RASSF3: variants seen among roughly 807,000 people sequenced by gnomAD.
The protein encoded by RASSF3 is Ras association domain family member 3, also known as ras association domain-containing protein 3.
Under a neutral mutation model 19.9 loss-of-function variants are expected in RASSF3, and 19 were observed. The observed-to-expected ratio is 0.96, with a 90% CI of 0.67 to 1.40. RASSF3 has a LOEUF of 1.40. Among genes scored for constraint, RASSF3 ranks in the 40% most tolerant of loss-of-function variants. RASSF3 has a pLI of 0.00. For missense variants in RASSF3, 306 were observed against 289.8 expected, an observed-to-expected ratio of 1.06 and a Z score of -0.41; for synonymous variants, 110 against 104.2, an observed-to-expected ratio of 1.06 and a Z score of -0.34.
At chr12:64,552,005 C>T (rs1219693266) in intron 2 of RASSF3, among the ~76,000 whole-genome samples, 1 of 152,188 alleles carries the variant, frequency 6.6e-6, no homozygotes, top group Non-Finnish European at 1.5e-5. Context: ...TCAGAAAACC[C>T]CTGGGGTTTG....
chr12:64,683,434 G>A (rs888155991), intron 1 of RASSF3, among the ~76,000 whole-genome samples: 1 of 152,218 alleles, frequency 6.6e-6, no homozygotes, highest in Non-Finnish European at 1.5e-5. Flanking sequence ...ACAGTGAGAA[G>A]AGGATTTAAC....
At chr12:64,689,700 G>A (rs1450261016) in intron 3 of RASSF3, among the ~76,000 whole-genome samples, 1 of 151,906 alleles carries the variant, frequency 6.6e-6, no homozygotes, top group Non-Finnish European at 1.5e-5. Context: ...CACTGTATGT[G>A]TGTGTCTAGC....
intron 1 of RASSF3, among the ~76,000 whole-genome samples, chr12:64,668,165 A>C (rs1008835452): frequency 4.6e-5 from 7 of 152,230 alleles, no homozygotes; most frequent in African/African-American, 1.7e-4. Context: ...CTGTTGAATG[A>C]CCTGAACCAG....
rs573874900 is a variant in RASSF3 at position 64,655,287 on chromosome 12, A to C, written c.112-29500A>C. Among the ~76,000 whole-genome samples, 6 of 152,348 alleles carry C rather than the reference A, an allele frequency of 3.9e-5. No individual in the cohort carries two copies. The South Asian group carries it at 1.2e-3, about 32-fold the overall frequency. On this transcript the variant is annotated intron_variant, in intron 1 of 4. Transcript: ENST00000542104. ...GCTTCATTTAAGAGGATGCAACATC[A>C]GGATTTTCAAAAATACACATAACGA...
exon 1 of RASSF3, chr12:64,507,174 C>G (rs1015259203): frequency 1.5e-5 from 6 of 398,520 alleles, no homozygotes; most frequent in South Asian, 1.3e-4. Context: ...CTCTCTGTAG[C>G]GAGTCATTCT....
intron 2 of RASSF3, among the ~76,000 whole-genome samples, chr12:64,562,766 G>A (rs1403914044): frequency 6.6e-6 from 1 of 151,968 alleles, no homozygotes; most frequent in Non-Finnish European, 1.5e-5. Flanking sequence ...GACTACAGGT[G>A]TATGCCACCA....
chr12:64,580,932 G>C (rs143787014), intron 2 of RASSF3, among the ~76,000 whole-genome samples: 1 of 151,672 alleles, frequency 6.6e-6, no homozygotes, highest in Non-Finnish European at 1.5e-5. Context: ...ACAACCACAC[G>C]TACCAGGGGT....
At chr12:64,651,260 G>A (rs2136190831) in intron 1 of RASSF3, among the ~76,000 whole-genome samples, 1 of 152,282 alleles carries the variant, frequency 6.6e-6, no homozygotes, top group South Asian at 2.1e-4. Flanking sequence ...TAAGTCCCAA[G>A]ATATGTGGAG....
downstream of RASSF3, among the ~76,000 whole-genome samples, chr12:64,543,459 GCTCCCCA>G (rs1868986993): frequency 1.7e-4 from 1 of 5,894 alleles, no homozygotes; most frequent in Non-Finnish European, 4.1e-4. Context: ...CCCGCCCCCC[GCTCCCCA>G]CCCGCCTGCC....
At chr12:64,662,207 C>T (rs1872391789) in intron 1 of RASSF3, among the ~76,000 whole-genome samples, 1 of 149,964 alleles carries the variant, frequency 6.7e-6, no homozygotes, top group South Asian at 2.1e-4. Flanking sequence ...TTTCTTGAGT[C>T]TAGGAATTTG....
chr12:64,543,719 A>G (rs1180202476), downstream of RASSF3, among the ~76,000 whole-genome samples: 1 of 151,090 alleles, frequency 6.6e-6, no homozygotes, highest in Non-Finnish European at 1.5e-5. Context: ...TGGGCTCCTG[A>G]GTCTAGTGAG....
chr12:64,545,523 G>A (rs1206544068), downstream of RASSF3, among the ~76,000 whole-genome samples: 1 of 152,182 alleles, frequency 6.6e-6, no homozygotes, highest in Non-Finnish European at 1.5e-5. Context: ...GTCTTAGAGA[G>A]TGCCAGATTT....
chr12:64,584,326 C>A (rs1869755239), intron 2 of RASSF3, among the ~76,000 whole-genome samples: 1 of 152,044 alleles, frequency 6.6e-6, no homozygotes, highest in South Asian at 2.1e-4. Context: ...CTTTCTTTTG[C>A]CCAGAGGGGA....
intron 1 of RASSF3, among the ~76,000 whole-genome samples, chr12:64,515,277 G>A (rs899610914): frequency 3.3e-5 from 5 of 152,028 alleles, no homozygotes; most frequent in African/African-American, 4.8e-5. Flanking sequence ...GGCTGATCTC[G>A]AACTCCTGAC....
At chr12:64,652,097 G>A (rs1871976361) in intron 1 of RASSF3, among the ~76,000 whole-genome samples, 1 of 152,184 alleles carries the variant, frequency 6.6e-6, no homozygotes. Context: ...TGTTATAATA[G>A]ATTACCATAT....
rs769203128 is a variant in RASSF3 at position 64,694,856 on chromosome 12, A to G, written c.661A>G (p.Thr221Ala). 2 of 1,614,250 alleles carry G rather than the reference A, an allele frequency of 1.2e-6. No homozygotes were observed. The highest frequency in any genetic ancestry group is 1.7e-4 in the Middle Eastern group (1 of 6,060). Residue 221 changes from threonine to alanine, a missense_variant, in exon 5 of 5, where the codon ACA (threonine) becomes GCA (alanine). By Grantham distance (58) the Thr-to-Ala change is moderately conservative (BLOSUM62 0). Coordinates refer to ENST00000542104, the MANE Select transcript of RASSF3 (RefSeq NM_178169.4). ...EQLQNLKRRYTAYRQKLEEAL... is the reference protein window; with the variant it reads ...EQLQNLKRRYAAYRQKLEEAL... The stretch of plus-strand genomic sequence containing the variant: ...GCTGCAGAACCTGAAGAGGCGCTAC[A>G]CAGCCTACAGGCAGAAGCTGGAAGA...
intron 2 of RASSF3, among the ~76,000 whole-genome samples, chr12:64,546,929 C>T (rs1233353173): frequency 6.6e-6 from 1 of 152,090 alleles, no homozygotes; most frequent in Non-Finnish European, 1.5e-5. Context: ...CCACAAAAAC[C>T]ATTCCCTCAT....
intron 4 of RASSF3, among the ~76,000 whole-genome samples, chr12:64,693,446 T>TCCCC (rs1868313781): frequency 6.6e-6 from 1 of 151,922 alleles, no homozygotes; most frequent in African/African-American, 2.4e-5. Flanking sequence ...AGAGACTAGG[T>TCCCC]CTTGCACTGT....
At chr12:64,611,705 A>G (rs918592201) in intron 1 of RASSF3, 9 of 152,272 alleles carry the variant, frequency 5.9e-5, no homozygotes, top group African/African-American at 2.2e-4. Flanking sequence ...AAACATTTCT[A>G]TTAATACCGG....
Sources: gnomAD v4.1 joint callset for allele counts (sites outside exome capture counted in the v4.1 genomes callset) on GRCh38, gnomAD v4.1.1 for gene constraint, MANE v1.5 for transcripts, NCBI Gene and HGNC (gene_info 2026-07-23, HGNC 2026-07-21) for gene names.